The following CAMK2D variants were observed in gnomAD, a reference collection of about 807,000 sequenced individuals.
The protein encoded by CAMK2D is calcium/calmodulin dependent protein kinase II delta.
A neutral mutation model predicts 84.0 loss-of-function variants in CAMK2D; 37 were observed. The observed-to-expected ratio is 0.44, with a 90% confidence interval of 0.34 to 0.58. The LOEUF (loss-of-function observed/expected upper bound fraction) is 0.58, where lower values mean the gene tolerates loss of function less well. Ranked by LOEUF, CAMK2D falls within the 20% of genes least tolerant of loss-of-function variation. The probability of loss-of-function intolerance (pLI) is 0.02; values close to 1 mark genes in which losing one functional copy is unlikely to be tolerated. For synonymous variants in CAMK2D, 202 were observed against 212.5 expected (o/e 0.95, Z 0.43); for missense variants, 448 against 652.5 (o/e 0.69, Z 3.41).
chr4:113,603,952 GA>G (rs374707768), intron 4 of CAMK2D, among the ~76,000 whole-genome samples: 6,743 of 147,828 alleles, frequency 0.046, 535 homozygotes, highest in African/African-American at 0.16. Flanking sequence ...AATTTAAAAA[GA>G]AAAAAAAAGA....
chr4:113,481,292 A>C (rs1345447044), intron 16 of CAMK2D, among the ~76,000 whole-genome samples: 1 of 152,124 alleles, frequency 6.6e-6, no homozygotes, highest in Non-Finnish European at 1.5e-5. Flanking sequence ...ATTGCCCAAC[A>C]CTATTCTAGA....
At chr4:113,474,397 C>T (rs1232794924) in intron 16 of CAMK2D, among the ~76,000 whole-genome samples, 2 of 151,658 alleles carry the variant, frequency 1.3e-5, no homozygotes, top group Non-Finnish European at 2.9e-5. Context: ...AAGGTGATGG[C>T]CACAGTTATT....
At chr4:113,744,782 T>A (rs1447044382) in intron 2 of CAMK2D, among the ~76,000 whole-genome samples, 1 of 152,210 alleles carries the variant, frequency 6.6e-6, no homozygotes, top group Non-Finnish European at 1.5e-5. Flanking sequence ...GCAATCTGAT[T>A]TCACAGCCAA....
At chr4:113,624,945 C>T (rs754345017) in intron 3 of CAMK2D, among the ~76,000 whole-genome samples, 2 of 152,136 alleles carry the variant, frequency 1.3e-5, no homozygotes, top group Non-Finnish European at 2.9e-5. Flanking sequence ...AATAGTTATC[C>T]AACCTTGCAT....
intron 2 of CAMK2D, among the ~76,000 whole-genome samples, chr4:113,666,423 G>A (rs1043564034): frequency 2.0e-5 from 3 of 152,026 alleles, no homozygotes; most frequent in African/African-American, 7.3e-5. Flanking sequence ...TTACTCTCCT[G>A]TAATCCAGTG....
chr4:113,756,430 CA>C (rs34013598), intron 2 of CAMK2D, among the ~76,000 whole-genome samples: 1 of 151,742 alleles, frequency 6.6e-6, no homozygotes, highest in Non-Finnish European at 1.5e-5. Context: ...AAAATTTGCA[CA>C]AAAAAAGTAT....
At chr4:113,680,068 TA>T in intron 2 of CAMK2D, among the ~76,000 whole-genome samples, 1 of 152,354 alleles carries the variant, frequency 6.6e-6, no homozygotes, top group South Asian at 2.1e-4. Context: ...ACATTATTAT[TA>T]TTTTTTTCTT....
At chr4:113,647,029 A>C (rs1221670465) in intron 3 of CAMK2D, among the ~76,000 whole-genome samples, 1 of 152,210 alleles carries the variant, frequency 6.6e-6, no homozygotes, top group Non-Finnish European at 1.5e-5. Flanking sequence ...AAAAAATTTC[A>C]CTGGAAGGTG....
At chr4:113,635,428 T>C (rs140370450) in intron 3 of CAMK2D, among the ~76,000 whole-genome samples, 197 of 152,326 alleles carry the variant, frequency 1.3e-3, no homozygotes, top group African/African-American at 4.6e-3. Flanking sequence ...CCTTTATATA[T>C]AGAATTTCTA....
At position 113,457,551 on chromosome 4, in the gene CAMK2D, C is replaced by A; in HGVS notation, c.1319G>T (p.Ser440Ile). The A allele has an allele frequency of 6.2e-7, 1 of 1,612,466 alleles. No individual in the cohort carries two copies. Among genetic ancestry groups the A allele is most frequent in the Non-Finnish European group, 8.5e-7 (1 of 1,179,286 alleles). Reference sequence around the variant, plus strand: ...AATAATAGTGTGGATTGGTTTATTGCTTTTGGACAAAGCTGAAAGAGAAAA... The same window carrying A: ...AATAATAGTGTGGATTGGTTTATTGATTTTGGACAAAGCTGAAAGAGAAAA... ...RFYFENALSK[S>I]NKPIHTIILN... The change falls in exon 19 of 21, where the codon AGC becomes ATC. Residue 440 changes from serine (S) to isoleucine (I), a missense_variant. By Grantham distance (142) the Ser-to-Ile change is moderately radical. Around this residue, in one of 7 missense-constraint regions of CAMK2D, gnomAD observed 219 missense variants for 272.1 expected, o/e 0.80. Transcript: ENST00000511664.
At chr4:113,621,268 G>A (rs541906924) in intron 3 of CAMK2D, among the ~76,000 whole-genome samples, 88 of 152,236 alleles carry the variant, frequency 5.8e-4, no homozygotes, top group Non-Finnish European at 1.0e-3. Context: ...GTCTGAATAT[G>A]CATTTTAATT....
chr4:113,512,027 CAAAAT>C (rs1174292446), intron 12 of CAMK2D, among the ~76,000 whole-genome samples: 3 of 152,106 alleles, frequency 2.0e-5, no homozygotes, highest in South Asian at 2.1e-4. Flanking sequence ...TAGCAGAAAA[CAAAAT>C]AAAGAATTGA....
intron 2 of CAMK2D, among the ~76,000 whole-genome samples, chr4:113,722,614 G>A (rs1047960735): frequency 1.3e-5 from 2 of 152,106 alleles, no homozygotes; most frequent in South Asian, 2.1e-4. Context: ...TATTCCAACT[G>A]GGGTACTCAA....
At chr4:113,514,234 G>A (rs555471571) in intron 10 of CAMK2D, among the ~76,000 whole-genome samples, 9 of 152,210 alleles carry the variant, frequency 5.9e-5, no homozygotes, top group South Asian at 4.1e-4. Context: ...CCAACATGGC[G>A]AAACCGCATC....
intron 16 of CAMK2D, among the ~76,000 whole-genome samples, chr4:113,467,885 G>A (rs1368987427): frequency 2.0e-5 from 3 of 152,020 alleles, no homozygotes; most frequent in East Asian, 1.9e-4. Context: ...CTCAGAAAAT[G>A]AGATTATAAA....
intron 2 of CAMK2D, among the ~76,000 whole-genome samples, chr4:113,671,839 T>C (rs972323685): frequency 6.6e-6 from 1 of 152,144 alleles, no homozygotes; most frequent in Non-Finnish European, 1.5e-5. Flanking sequence ...GGAGGAAAAA[T>C]GTTTTTGTTA....
chr4:113,607,591 T>C (rs574872261), intron 4 of CAMK2D, among the ~76,000 whole-genome samples: 1 of 151,792 alleles, frequency 6.6e-6, no homozygotes, highest in African/African-American at 2.4e-5. Flanking sequence ...TATCAGAAGC[T>C]CCCCACCGAG....
chr4:113,570,912 A>C (rs2098750303), intron 4 of CAMK2D, among the ~76,000 whole-genome samples: 1 of 152,242 alleles, frequency 6.6e-6, no homozygotes, highest in African/African-American at 2.4e-5. Flanking sequence ...TAATAGGTTA[A>C]TACGCAAAAT....
chr4:113,559,555 G>A (rs1389356163), intron 4 of CAMK2D, among the ~76,000 whole-genome samples: 3 of 152,188 alleles, frequency 2.0e-5, no homozygotes, highest in Non-Finnish European at 4.4e-5. Flanking sequence ...TATTATTAAC[G>A]TCACATGTAC....
Sources: allele counts gnomAD v4.1 joint callset (sites outside exome capture counted in the v4.1 genomes callset), GRCh38; gene constraint gnomAD v4.1.1; regional missense constraint gnomAD v4.1.1; transcripts MANE v1.5; gene names NCBI Gene and HGNC (gene_info 2026-07-23, HGNC 2026-07-21).